Variants in SLC7A7 observed in about 807,000 individuals in gnomAD.
SLC7A7 encodes Y+L amino acid transporter 1.
SLC7A7 carries 39 observed loss-of-function variants against 47.9 expected under a neutral mutation model. The ratio of observed to expected loss-of-function variants is 0.81; its 90% confidence interval spans 0.63 to 1.06. SLC7A7 has a LOEUF of 1.06. Among genes scored for constraint, SLC7A7 ranks in the 50% least tolerant of loss-of-function variants. SLC7A7 has a pLI of 0.00. For missense variants in SLC7A7, 588 were observed against 632.0 expected, an observed-to-expected ratio of 0.93 and a Z score of 0.75; for synonymous variants, 234 against 242.8, an observed-to-expected ratio of 0.96 and a Z score of 0.34.
intron 2 of SLC7A7, among the ~76,000 whole-genome samples, chr14:22,789,112 G>T (rs2038877673): frequency 6.6e-6 from 1 of 152,098 alleles, no homozygotes; most frequent in African/African-American, 2.4e-5. Flanking sequence ...CCACCCTTCT[G>T]CTCGTACTTC....
At chr14:22,794,307 G>A (rs2038975641) in intron 2 of SLC7A7, among the ~76,000 whole-genome samples, 1 of 152,148 alleles carries the variant, frequency 6.6e-6, no homozygotes, top group Admixed American at 6.6e-5. Context: ...AATCCCTGTG[G>A]GTCACTGGAT....
At chr14:22,781,297 G>T (rs2038715465) in intron 2 of SLC7A7, among the ~76,000 whole-genome samples, 2 of 152,096 alleles carry the variant, frequency 1.3e-5, no homozygotes, top group African/African-American at 2.4e-5. Context: ...CTCCTATTTT[G>T]TGGTGTCCTG....
rs1343867674 is a variant in SLC7A7, at chr14:22,784,696, G to A, written c.500-4645C>T. ...GGATCATCAAACCCAGCCTACATAC[G>A]GTCCCCGGGAGTAGGAGACTAGTTC... On this transcript the variant is annotated intron_variant, in intron 2 of 9. Transcript: ENST00000674313. Among the ~76,000 whole-genome samples, 9 of 151,816 alleles carry A rather than the reference G, an allele frequency of 5.9e-5. No homozygotes were observed. The South Asian group carries it at 1.0e-3, about 18-fold the overall frequency.
At chr14:22,817,329 AT>A, upstream of SLC7A7, 1 of 209,894 alleles carries the variant, frequency 4.8e-6, no homozygotes, top group Non-Finnish European at 9.6e-6. Context: ...TTTTTATTTT[AT>A]TTTATTTTAT....
At chr14:22,815,935 T>G (rs772171868), upstream of SLC7A7, 4 of 336,446 alleles carry the variant, frequency 1.2e-5, no homozygotes, top group South Asian at 2.3e-5. Flanking sequence ...ACCATGTGAC[T>G]GGGTGTTCTA....
intron 2 of SLC7A7, among the ~76,000 whole-genome samples, chr14:22,793,480 T>G (rs901345667): frequency 3.1e-4 from 47 of 152,118 alleles, no homozygotes; most frequent in Non-Finnish European, 4.0e-4. Context: ...GGGGACTAGA[T>G]TGCCTTTGTA....
intron 1 of SLC7A7, among the ~76,000 whole-genome samples, chr14:22,814,476 C>T (rs1396030092): frequency 6.6e-6 from 1 of 151,644 alleles, no homozygotes; most frequent in Non-Finnish European, 1.5e-5. Context: ...AAGAGCAAAA[C>T]TCTGTCTCAA....
At chr14:22,798,683 T>A (rs1195173798) in intron 2 of SLC7A7, among the ~76,000 whole-genome samples, 2 of 152,226 alleles carry the variant, frequency 1.3e-5, no homozygotes, top group African/African-American at 4.8e-5. Context: ...CTGAAGAGCA[T>A]GTCTACATTC....
chr14:22,793,473 G>A (rs1415895951), intron 2 of SLC7A7, among the ~76,000 whole-genome samples: 1 of 152,080 alleles, frequency 6.6e-6, no homozygotes, highest in African/African-American at 2.4e-5. Context: ...CTTGCCTGGG[G>A]ACTAGATTGC....
intron 2 of SLC7A7, among the ~76,000 whole-genome samples, chr14:22,787,834 G>A (rs557094074): frequency 6.6e-6 from 1 of 151,958 alleles, no homozygotes; most frequent in African/African-American, 2.4e-5. Flanking sequence ...AGCACTTTGG[G>A]AGGCCGAGGC....
intron 1 of SLC7A7, 58 bp from the exon 2 acceptor site, chr14:22,813,498 T>C (rs984288072): frequency 7.0e-7 from 1 of 1,429,956 alleles, no homozygotes. Flanking sequence ...ATAGAACCTC[T>C]ACCCGCCTCC....
chr14:22,812,925 G>A lies in SLC7A7; in HGVS notation c.474C>T (p.Ser158=), dbSNP rs373825689. 3.7e-6 allele frequency: 6 copies of A among 1,613,560 alleles called. No homozygotes were observed. In the African/African-American group the frequency reaches 5.3e-5, roughly 14 times the overall value. The change falls in exon 2 of 10, where the codon AGC becomes AGT. Residue 158 remains serine (S), a synonymous_variant. Transcript: ENST00000674313. ...FPSCFAPYAA[S]RLLAAACICL... ...AAATGCAGGCAGCAGCCAGCAGGCG[G>A]CTGGCAGCATAAGGGGCGAAGCAGC... is the stretch of plus-strand genomic sequence containing the variant.
At position 22,775,950 on chromosome 14, in the gene SLC7A7, A is replaced by G. The variant is rs1471954692; in HGVS notation, c.895-14T>C. 4 of 1,594,104 alleles carry G rather than the reference A, an allele frequency of 2.5e-6. No individual in the cohort carries two copies. The South Asian group carries it at 3.3e-5, about 13-fold the overall frequency. On this transcript the variant is annotated splice_polypyrimidine_tract_variant and intron_variant, in intron 5 of 9. Transcript: ENST00000674313. ...ATCTGCAAAAGTCTAAGGGAAAAGAATGGAAGAGTCATTAGCAGGATCTAA... is the reference window on the plus strand; with the variant it reads ...ATCTGCAAAAGTCTAAGGGAAAAGAGTGGAAGAGTCATTAGCAGGATCTAA...
intron 5 of SLC7A7, 80 bp downstream of exon 5, chr14:22,776,115 T>C: frequency 1.3e-6 from 2 of 1,594,618 alleles, no homozygotes; most frequent in South Asian, 2.2e-5. Context: ...GTCTACCCCC[T>C]TTCCAGGACT....
rs370997036 is a variant in SLC7A7, at chr14:22,783,350, G to A, written c.500-3299C>T. Among the ~76,000 whole-genome samples the A allele has an allele frequency of 2.0e-5, 3 of 151,904 alleles. No individual in the cohort carries two copies. In the East Asian group the frequency reaches 5.8e-4, roughly 29 times the overall value. ...GGAGTAACTGGGATTATAGGGAAGA[G>A]CCATGGCACCTGGGTGGCTTGTTTA... On this transcript the variant is annotated intron_variant, in intron 2 of 9. Coordinates refer to ENST00000674313, the MANE Select transcript of SLC7A7 (RefSeq NM_003982.4).
intron 2 of SLC7A7, among the ~76,000 whole-genome samples, chr14:22,808,877 T>C (rs1166796563): frequency 6.6e-6 from 1 of 152,216 alleles, no homozygotes; most frequent in African/African-American, 2.4e-5. Flanking sequence ...AACAGGACTA[T>C]AAGTGACCAA....
chr14:22,788,356 A>G (rs1312544038), intron 2 of SLC7A7, among the ~76,000 whole-genome samples: 1 of 152,188 alleles, frequency 6.6e-6, no homozygotes, highest in Non-Finnish European at 1.5e-5. Context: ...TCATAGTTAC[A>G]CCCTTGCAGT....
At position 22,801,092 on chromosome 14, in the gene SLC7A7, A is replaced by T. The variant is rs543160864; in HGVS notation, c.499+11808T>A. 4.6e-5 allele frequency among the ~76,000 whole-genome samples: 7 copies of T among 151,698 alleles called. 1 individual carries two copies. The highest frequency in any genetic ancestry group is 3.4e-3 in the Middle Eastern group (1 of 294). ...CAAATTTCTAAGCCACAGAAATCAT[A>T]AAAAAAATGACTACTGTTTTAAGAC... On this transcript the variant is annotated intron_variant, in intron 2 of 9. Coordinates refer to ENST00000674313, the MANE Select transcript of SLC7A7 (RefSeq NM_003982.4).
At chr14:22,819,080 C>G (rs1026778740), upstream of SLC7A7, among the ~76,000 whole-genome samples, 3 of 152,154 alleles carry the variant, frequency 2.0e-5, no homozygotes, top group African/African-American at 7.2e-5. Flanking sequence ...CTGGGCAGGA[C>G]AGCCAATGGA....
Sources: gnomAD v4.1 joint callset for allele counts (sites outside exome capture counted in the v4.1 genomes callset) on GRCh38, gnomAD v4.1.1 for gene constraint, MANE v1.5 for transcripts, NCBI Gene and HGNC (gene_info 2026-07-23, HGNC 2026-07-21) for gene names.